ARID1B: variants seen among roughly 807,000 people sequenced by gnomAD.
ARID1B encodes AT-rich interactive domain-containing protein 1B.
Under a neutral mutation model 212.3 loss-of-function variants are expected in ARID1B, and 30 were observed. The ratio of observed to expected loss-of-function variants is 0.14; its 90% CI spans 0.11 to 0.19. The LOEUF (loss-of-function observed/expected upper bound fraction) is 0.19, where lower values mean the gene tolerates loss of function less well. Among genes scored for constraint, ARID1B ranks in the 10% least tolerant of loss-of-function variants. The pLI is 1.00. For synonymous variants in ARID1B, 1,402 were observed against 1,301.7 expected (o/e 1.08, Z -1.66); for missense variants, 2,891 against 3,204.0 (o/e 0.90, Z 2.36).
chr6:156,927,689 C>T (rs545440496), intron 3 of ARID1B, among the ~76,000 whole-genome samples: 2 of 152,316 alleles, frequency 1.3e-5, no homozygotes, highest in African/African-American at 4.8e-5. Context: ...GATAAATATT[C>T]TTGGATGTGT....
At chr6:156,900,936 G>A (rs575876162) in intron 2 of ARID1B, among the ~76,000 whole-genome samples, 2 of 152,256 alleles carry the variant, frequency 1.3e-5, no homozygotes, top group South Asian at 2.1e-4. Context: ...TCTGAACTTA[G>A]AAACAAACAT....
chr6:157,171,589 T>C (rs201019569), intron 9 of ARID1B, among the ~76,000 whole-genome samples: 1 of 152,222 alleles, frequency 6.6e-6, no homozygotes, highest in East Asian at 1.9e-4. Flanking sequence ...AAATAAAACA[T>C]ACATTTTATA....
chr6:156,816,002 A>G (rs1031431935), intron 1 of ARID1B, among the ~76,000 whole-genome samples: 1 of 152,244 alleles, frequency 6.6e-6, no homozygotes, highest in Non-Finnish European at 1.5e-5. Flanking sequence ...TTCTCATGTT[A>G]ATATATGTTA....
rs571902915 is a variant in ARID1B, at chr6:157,160,864, A to G, written c.3090-6176A>G. 2.6e-5 allele frequency among the ~76,000 whole-genome samples: 4 copies of G among 152,148 alleles called. No homozygotes were observed. In the East Asian group the frequency reaches 5.8e-4, roughly 22 times the overall value. On this transcript the variant is annotated intron_variant, in intron 8 of 19. Coordinates refer to ENST00000636930, the MANE Select transcript of ARID1B (RefSeq NM_001374828.1). ...CCCTCAGATCTGAGAGATGGAGGGGACGTCATCCCTTCCTTGGGACCTTTT... is the reference window on the plus strand; with the variant it reads ...CCCTCAGATCTGAGAGATGGAGGGGGCGTCATCCCTTCCTTGGGACCTTTT...
chr6:157,045,255 G>C (rs565983094), intron 4 of ARID1B, among the ~76,000 whole-genome samples: 1 of 152,284 alleles, frequency 6.6e-6, no homozygotes, highest in African/African-American at 2.4e-5. Flanking sequence ...ATTTGCCTAA[G>C]ATATGCCCCA....
chr6:156,868,109 C>T (rs540337179), intron 2 of ARID1B, among the ~76,000 whole-genome samples: 4 of 152,286 alleles, frequency 2.6e-5, no homozygotes, highest in South Asian at 2.1e-4. Context: ...GCCTCAGTAC[C>T]GAGCTGTGCA....
intron 2 of ARID1B, among the ~76,000 whole-genome samples, chr6:156,849,937 CT>C (rs946290586): frequency 2.7e-5 from 4 of 150,850 alleles, no homozygotes; most frequent in African/African-American, 7.3e-5. Context: ...CCAGTGCTGT[CT>C]TTTTTTGTAA....
chr6:157,189,424 T>C (rs1033038834), intron 13 of ARID1B, among the ~76,000 whole-genome samples: 3 of 152,234 alleles, frequency 2.0e-5, no homozygotes, highest in Non-Finnish European at 2.9e-5. Context: ...TGTTGCCAAA[T>C]AGTTTACTCA....
chr6:156,999,187 G>T (rs1338419739), intron 4 of ARID1B, among the ~76,000 whole-genome samples: 1 of 152,144 alleles, frequency 6.6e-6, no homozygotes, highest in Non-Finnish European at 1.5e-5. Context: ...TCCAGTGTAG[G>T]AATTTACTGT....
chr6:156,812,971 T>TACATAC (rs1395845014), intron 1 of ARID1B, among the ~76,000 whole-genome samples: 4 of 140,820 alleles, frequency 2.8e-5, no homozygotes, highest in East Asian at 2.0e-4. Context: ...TGTGTGTGTG[T>TACATAC]GTGTGTATGT....
intron 4 of ARID1B, among the ~76,000 whole-genome samples, chr6:156,969,131 A>G (rs1208678855): frequency 6.6e-6 from 1 of 152,228 alleles, no homozygotes. Context: ...GTTCCAAACA[A>G]TGTGACCTTG....
chr6:157,170,950 A>G (rs961305969), intron 9 of ARID1B, among the ~76,000 whole-genome samples: 2 of 152,236 alleles, frequency 1.3e-5, no homozygotes, highest in Non-Finnish European at 2.9e-5. Flanking sequence ...TTCAAAAACA[A>G]GAAATCAAAT....
At chr6:157,039,880 T>TC (rs1562570090) in intron 4 of ARID1B, among the ~76,000 whole-genome samples, 2,752 of 109,908 alleles carry the variant, frequency 0.025, 144 homozygotes, top group Non-Finnish European at 0.034. Context: ...CTCTTTCTTT[T>TC]CTCTTCCTTC....
chr6:156,812,973 T>TATATACATAC (rs1562404021), intron 1 of ARID1B, among the ~76,000 whole-genome samples: 3 of 139,316 alleles, frequency 2.2e-5, no homozygotes, highest in Non-Finnish European at 4.5e-5. Context: ...TGTGTGTGTG[T>TATATACATAC]GTGTATGTAT....
At position 157,190,099 on chromosome 6, in the gene ARID1B, C is replaced by T. The variant is rs754100748; in HGVS notation, c.4120C>T (p.Arg1374Trp). The T allele has an allele frequency of 1.7e-5, 28 of 1,614,098 alleles. No individual in the cohort carries two copies. The highest frequency in any genetic ancestry group is 2.3e-5 in the Non-Finnish European group (27 of 1,180,064). ...SDVSDSSFPK[R>W]NSMTPNAPYQ... ...TGTGAGTGATTCATCCTTCCCGAAA[C>T]GGAACTCCATGACTCCAAACGCCCC... Residue 1374 changes from arginine to tryptophan, a missense_variant, in exon 15 of 20, where the codon CGG becomes TGG. Coordinates refer to ENST00000636930, the MANE Select transcript of ARID1B (RefSeq NM_001374828.1). The surrounding 1 kb of genome is among the most constrained non-coding windows in gnomAD (Gnocchi z 4.6).
intron 4 of ARID1B, among the ~76,000 whole-genome samples, chr6:157,066,845 C>T (rs1005142691): frequency 3.3e-5 from 5 of 152,038 alleles, no homozygotes; most frequent in African/African-American, 1.2e-4. Context: ...TGATAGAGTA[C>T]AGTTTTTTAA....
At chr6:157,052,003 A>T (rs1782636554) in intron 4 of ARID1B, among the ~76,000 whole-genome samples, 1 of 152,174 alleles carries the variant, frequency 6.6e-6, no homozygotes, top group Admixed American at 6.5e-5. Flanking sequence ...TATTTTGAAA[A>T]TGCCACCAGA....
At chr6:157,039,666 C>CTTCCTTCTTTCTTTCTTTCTTTTTCT (rs1781627819) in intron 4 of ARID1B, among the ~76,000 whole-genome samples, 1 of 49,382 alleles carries the variant, frequency 2.0e-5, no homozygotes, top group African/African-American at 1.4e-4. Context: ...TCCTTCCTTC[C>CTTCCTTCTTTCTTTCTTTCTTTTTCT]TTCCTTCCTT....
At chr6:156,940,800 C>T (rs907416284) in intron 4 of ARID1B, 13 of 152,166 alleles carry the variant, frequency 8.5e-5, no homozygotes, top group Admixed American at 2.6e-4. Context: ...TGGAAACTAC[C>T]GGGAAAAGCT....
Sources: allele counts gnomAD v4.1 joint callset (sites outside exome capture counted in the v4.1 genomes callset), GRCh38; gene constraint gnomAD v4.1.1; non-coding constraint Gnocchi (gnomAD v3.1); transcripts MANE v1.5; gene names NCBI Gene and HGNC (gene_info 2026-07-23, HGNC 2026-07-21).